CFAP299: variants seen among roughly 807,000 people sequenced by gnomAD.
The protein encoded by CFAP299 is cilia and flagella associated protein 299, also known as cilia- and flagella-associated protein 299.
Under a neutral mutation model 27.0 loss-of-function variants are expected in CFAP299, and 21 were observed. That is an observed-to-expected ratio of 0.78 (90% CI 0.55 to 1.12). The LOEUF is 1.12. Ranked by LOEUF, CFAP299 falls within the 50% of genes most tolerant of loss-of-function variation. The pLI, the probability that CFAP299 is intolerant of heterozygous loss-of-function variation, is 0.00. For synonymous variants in CFAP299, 104 were observed against 98.1 expected (o/e 1.06, Z -0.36); for missense variants, 310 against 276.6 (o/e 1.12, Z -0.86).
intron 3 of CFAP299, among the ~76,000 whole-genome samples, chr4:80,755,935 T>C (rs1578094375): frequency 6.6e-6 from 1 of 152,098 alleles, no homozygotes; most frequent in East Asian, 1.9e-4. Context: ...ATGTGGACTT[T>C]GCTTTTTCCA....
intron 3 of CFAP299, among the ~76,000 whole-genome samples, chr4:80,755,031 C>T (rs1725155254): frequency 1.3e-5 from 2 of 152,014 alleles, no homozygotes; most frequent in Admixed American, 1.3e-4. Context: ...GATCTTCTCC[C>T]AGAGATCTGG....
intron 2 of CFAP299, among the ~76,000 whole-genome samples, chr4:80,528,226 T>G (rs1484467936): frequency 2.0e-5 from 3 of 152,116 alleles, no homozygotes; most frequent in Admixed American, 6.6e-5. Flanking sequence ...CTTCTAACCC[T>G]TTTTTGAGCC....
intron 2 of CFAP299, among the ~76,000 whole-genome samples, chr4:80,394,420 A>T (rs1188014436): frequency 1.2e-4 from 17 of 146,506 alleles, no homozygotes; most frequent in Middle Eastern, 3.5e-3. Context: ...TTTTTTTTTT[A>T]AATTAGATGC....
chr4:80,387,380 T>A, intron 2 of CFAP299: 2 of 1,234,972 alleles, frequency 1.6e-6, no homozygotes, highest in South Asian at 2.4e-5. Flanking sequence ...CATGTGAGAC[T>A]TGAGCTGGAA....
rs190919164 is a variant in CFAP299, at chr4:80,818,730, A to G, written c.334-51263A>G. On this transcript the variant is annotated intron_variant, in intron 3 of 5. Transcript: ENST00000358105. ...AGCTACCAAAACAGATTTGGAATTT[A>G]TAACAGTTTGCATAAAACACTAAAA... Among the ~76,000 whole-genome samples the G allele has an allele frequency of 5.3e-5, 8 of 152,316 alleles. No individual in the cohort carries two copies. In the East Asian group the frequency reaches 1.4e-3, roughly 26 times the overall value.
the CFAP299 span, among the ~76,000 whole-genome samples, chr4:80,328,969 C>T: frequency 6.6e-6 from 1 of 152,220 alleles, no homozygotes; most frequent in Non-Finnish European, 1.5e-5. Context: ...ACTCTGTACA[C>T]CAAGCTTGTC....
At chr4:80,867,989 T>G (rs1271483030) in intron 3 of CFAP299, among the ~76,000 whole-genome samples, 1 of 152,206 alleles carries the variant, frequency 6.6e-6, no homozygotes, top group Non-Finnish European at 1.5e-5. Flanking sequence ...ATATATACTA[T>G]TTCTTATTTA....
At chr4:80,370,342 C>G (rs1400282015) in intron 2 of CFAP299, among the ~76,000 whole-genome samples, 1 of 152,152 alleles carries the variant, frequency 6.6e-6, no homozygotes, top group Non-Finnish European at 1.5e-5. Flanking sequence ...CCATATTATT[C>G]TGTCCCTGGG....
intron 4 of CFAP299, among the ~76,000 whole-genome samples, chr4:80,939,079 T>C (rs546333171): frequency 1.3e-5 from 2 of 152,320 alleles, no homozygotes; most frequent in East Asian, 3.9e-4. Context: ...GATTAACCAT[T>C]TCTCTTGCTG....
At chr4:80,891,656 C>T (rs1286892019) in intron 4 of CFAP299, among the ~76,000 whole-genome samples, 2 of 112,632 alleles carry the variant, frequency 1.8e-5, no homozygotes, top group Non-Finnish European at 3.6e-5. Flanking sequence ...GGGAGATATA[C>T]CTAATGCTAG....
At chr4:80,585,746 G>A (rs1736402627) in intron 3 of CFAP299, among the ~76,000 whole-genome samples, 1 of 152,110 alleles carries the variant, frequency 6.6e-6, no homozygotes, top group Non-Finnish European at 1.5e-5. Context: ...TAGAGATAGG[G>A]AATGATATAT....
At chr4:80,744,848 G>A (rs965447938) in intron 3 of CFAP299, among the ~76,000 whole-genome samples, 1 of 152,052 alleles carries the variant, frequency 6.6e-6, no homozygotes, top group Non-Finnish European at 1.5e-5. Flanking sequence ...ATTTAACTGG[G>A]TGAAGAGGGA....
chr4:80,810,763 G>A lies in CFAP299; in HGVS notation c.334-59230G>A, dbSNP rs79504986. Among the ~76,000 whole-genome samples the A allele has an allele frequency of 8.0e-3, 1,221 of 152,178 alleles. 15 individuals carry two copies. Among genetic ancestry groups the A allele is most frequent in the Middle Eastern group, 0.017 (5 of 294 alleles). On this transcript the variant is annotated intron_variant, in intron 3 of 5. Coordinates refer to ENST00000358105, the MANE Select transcript of CFAP299 (RefSeq NM_152770.3). ...GTTGTTCTAAACCACACAGTTTGTG[G>A]TAATTTGTTATAGCAGGCTCAGGAA...
chr4:80,384,318 A>G (rs1724858822), intron 2 of CFAP299, among the ~76,000 whole-genome samples: 1 of 152,150 alleles, frequency 6.6e-6, no homozygotes, highest in Admixed American at 6.5e-5. Context: ...GGTGAGGACT[A>G]TGCTGAGAAT....
At chr4:80,690,744 T>C (rs1156438345) in intron 3 of CFAP299, among the ~76,000 whole-genome samples, 2 of 151,726 alleles carry the variant, frequency 1.3e-5, no homozygotes, top group East Asian at 2.0e-4. Context: ...AAAAAATTAA[T>C]GAATCCAGGA....
chr4:80,607,007 G>C (rs763326426), intron 3 of CFAP299, among the ~76,000 whole-genome samples: 2 of 152,168 alleles, frequency 1.3e-5, no homozygotes, highest in African/African-American at 2.4e-5. Flanking sequence ...CAGAAGGAAG[G>C]AAGGGAGAGA....
At chr4:80,445,672 T>TA (rs546393810) in intron 2 of CFAP299, among the ~76,000 whole-genome samples, 87 of 148,964 alleles carry the variant, frequency 5.8e-4, no homozygotes, top group Admixed American at 3.0e-3. Context: ...TAAAGTATAT[T>TA]AAAAAAAAAA....
At chr4:80,699,712 A>G (rs1221432856) in intron 3 of CFAP299, among the ~76,000 whole-genome samples, 3 of 152,184 alleles carry the variant, frequency 2.0e-5, no homozygotes, top group African/African-American at 7.2e-5. Context: ...CTTCTGCTCA[A>G]GAGACCTTGC....
chr4:80,831,707 TA>T (rs1730310217), intron 3 of CFAP299, among the ~76,000 whole-genome samples: 1 of 152,202 alleles, frequency 6.6e-6, no homozygotes, highest in African/African-American at 2.4e-5. Context: ...GCATTCATAT[TA>T]AAGGATATTT....
Sources: gnomAD v4.1 joint callset for allele counts (sites outside exome capture counted in the v4.1 genomes callset) on GRCh38, gnomAD v4.1.1 for gene constraint, MANE v1.5 for transcripts, NCBI Gene and HGNC (gene_info 2026-07-23, HGNC 2026-07-21) for gene names.